Variants in PAM observed in about 807,000 individuals in gnomAD.
PAM encodes peptidylglycine alpha-amidating monooxygenase.
A neutral mutation model predicts 122.1 loss-of-function variants in PAM; 72 were observed. That is an observed-to-expected ratio of 0.59 (90% CI 0.49 to 0.72). The LOEUF (loss-of-function observed/expected upper bound fraction) is 0.72, where lower values mean the gene tolerates loss of function less well. PAM is among the 30% of genes least tolerant of loss of function. The pLI, the probability that PAM is intolerant of heterozygous loss-of-function variation, is 0.00. For synonymous variants in PAM, 389 were observed against 404.4 expected (o/e 0.96, Z 0.46); for missense variants, 1,106 against 1,183.7 (o/e 0.93, Z 0.96).
chr5:102,881,125 T>TACACACACACAC (rs1224315361), intron 3 of PAM, among the ~76,000 whole-genome samples: 3 of 69,058 alleles, frequency 4.3e-5, no homozygotes, highest in African/African-American at 2.9e-4. Flanking sequence ...ATAATTTTTA[T>TACACACACACAC]ACATACACAC....
At chr5:102,770,960 G>A (rs531748322) in intron 1 of PAM, among the ~76,000 whole-genome samples, 53 of 151,958 alleles carry the variant, frequency 3.5e-4, no homozygotes, top group African/African-American at 1.2e-3. Context: ...TAGGTTTTTC[G>A]TTTGTTTGTT....
intron 1 of PAM, among the ~76,000 whole-genome samples, chr5:102,834,894 A>T (rs73189052): frequency 0.014 from 2,196 of 152,188 alleles, 45 homozygotes; most frequent in African/African-American, 0.051. Flanking sequence ...ATGAGTCAGG[A>T]GGCAGTTACA....
At chr5:102,832,094 A>T (rs1775644028) in intron 1 of PAM, among the ~76,000 whole-genome samples, 2 of 152,134 alleles carry the variant, frequency 1.3e-5, no homozygotes, top group Admixed American at 1.3e-4. Flanking sequence ...GAAAATTCAG[A>T]AATGTCCAAA....
Position 102,950,761 on chromosome 5 carries a change from C to T in PAM, c.846C>T (p.Asp282=), listed in dbSNP as rs748966205. The part of the protein sequence containing the change: ...VGHPVDVSFG[D]LLAARCVFTG... ...ATCCAGTTGATGTAAGTTTTGGTGA[C>T]CTACTGGCTGCAAGATGTGTATTCA... The change falls in exon 12 of 26, where the codon GAC becomes GAT. Residue 282 remains aspartate, a synonymous_variant. Coordinates refer to ENST00000438793, the MANE Select transcript of PAM (RefSeq NM_001177306.2). 1 of 1,612,186 alleles carries T rather than the reference C, an allele frequency of 6.2e-7. No homozygotes were observed. Among genetic ancestry groups the T allele is most frequent in the Non-Finnish European group, 8.5e-7 (1 of 1,178,614 alleles).
intron 1 of PAM, among the ~76,000 whole-genome samples, chr5:102,776,865 A>C (rs1335134440): frequency 3.9e-5 from 6 of 151,966 alleles, no homozygotes; most frequent in Non-Finnish European, 8.8e-5. Context: ...TATGTCACAC[A>C]TTTCTTATCA....
chr5:102,899,616 C>G (rs889799555), intron 3 of PAM, among the ~76,000 whole-genome samples: 3 of 151,644 alleles, frequency 2.0e-5, no homozygotes, highest in Non-Finnish European at 3.0e-5. Flanking sequence ...TGGGAATGAT[C>G]TTGAATATAT....
At chr5:102,985,471 T>A (rs1271655659) in intron 15 of PAM, among the ~76,000 whole-genome samples, 1 of 152,020 alleles carries the variant, frequency 6.6e-6, no homozygotes, top group Non-Finnish European at 1.5e-5. Context: ...TTTCAACAAT[T>A]GTATGCTAAT....
chr5:102,866,826 G>A (rs964836947), intron 2 of PAM: 1 of 153,950 alleles, frequency 6.5e-6, no homozygotes, highest in Non-Finnish European at 1.4e-5. Context: ...AGTAATTCTG[G>A]ACACTGAAAA....
intron 4 of PAM, among the ~76,000 whole-genome samples, chr5:102,912,800 A>G (rs1241565884): frequency 1.3e-5 from 2 of 152,000 alleles, no homozygotes; most frequent in Non-Finnish European, 2.9e-5. Context: ...GAAAACTTCA[A>G]GATTTGATTT....
chr5:102,913,444 T>C (rs968284623), intron 4 of PAM, among the ~76,000 whole-genome samples: 1 of 152,042 alleles, frequency 6.6e-6, no homozygotes, highest in Non-Finnish European at 1.5e-5. Context: ...TGCTTCTTCA[T>C]ATACATCCCA....
chr5:102,829,079 T>C (rs1289823893), intron 1 of PAM, among the ~76,000 whole-genome samples: 1 of 152,030 alleles, frequency 6.6e-6, no homozygotes, highest in Non-Finnish European at 1.5e-5. Context: ...TCAAAGAGTT[T>C]AGCACTTGCT....
intron 1 of PAM, among the ~76,000 whole-genome samples, chr5:102,799,280 A>T (rs897096938): frequency 6.6e-6 from 1 of 152,206 alleles, no homozygotes; most frequent in African/African-American, 2.4e-5. Context: ...TGCAACGTGT[A>T]TATTTAGAAA....
At chr5:102,959,830 T>C (rs1373751483) in intron 12 of PAM, 45 bp from the exon 13 acceptor site, 1 of 1,378,998 alleles carries the variant, frequency 7.3e-7, no homozygotes, top group Non-Finnish European at 1.0e-6. Context: ...TAAGCATGTG[T>C]TTTATGTGAA....
intron 1 of PAM, among the ~76,000 whole-genome samples, chr5:102,760,512 G>C (rs79157752): frequency 0.029 from 4,369 of 152,242 alleles, 110 homozygotes; most frequent in East Asian, 0.13. Flanking sequence ...AATTAAAAAT[G>C]GAATACGATT....
Position 102,925,028 on chromosome 5 carries a change from C to A in PAM, c.428C>A (p.Thr143Asn). The A allele has an allele frequency of 6.4e-7, 1 of 1,563,500 alleles. No homozygotes were observed. Among genetic ancestry groups the A allele is most frequent in the Non-Finnish European group, 8.8e-7 (1 of 1,133,692 alleles). Reference sequence around the variant, plus strand: ...GCCTGGGCGAGAAATGCTCCCCCTACCCGGCTCCCCAAAGGTATGTCAGAG... The same window carrying A: ...GCCTGGGCGAGAAATGCTCCCCCTAACCGGCTCCCCAAAGGTATGTCAGAG... The part of the protein sequence containing the change: ...LYAWARNAPP[T>N]RLPKGVGFRV... Residue 143 changes from threonine to asparagine, a missense_variant, in exon 6 of 26, where the codon ACC becomes AAC. Thr to Asn is a moderately conservative substitution (Grantham distance 65). This residue lies in a region of PAM where 670 missense variants were observed against 690.3 expected (regional missense o/e 0.97). Transcript: ENST00000438793.
chr5:102,998,201 T>C (rs2150935041), intron 16 of PAM, among the ~76,000 whole-genome samples: 1 of 152,306 alleles, frequency 6.6e-6, no homozygotes, highest in Middle Eastern at 3.4e-3. Context: ...TAAAATAATA[T>C]GACCAGAGAT....
At chr5:102,792,307 T>C (rs1762242567) in intron 1 of PAM, among the ~76,000 whole-genome samples, 1 of 152,144 alleles carries the variant, frequency 6.6e-6, no homozygotes, top group African/African-American at 2.4e-5. Context: ...GTAAATGAAA[T>C]CTTTATTGTC....
chr5:102,958,480 A>G (rs949954513), intron 12 of PAM, among the ~76,000 whole-genome samples: 1 of 152,130 alleles, frequency 6.6e-6, no homozygotes, highest in Admixed American at 6.5e-5. Flanking sequence ...GCACATACTG[A>G]CCAACTCCAA....
chr5:102,816,310 C>T lies in PAM; in HGVS notation c.-373-49513C>T, dbSNP rs79952701. 8.6e-3 allele frequency among the ~76,000 whole-genome samples: 1,311 copies of T among 152,208 alleles called. 9 individuals are homozygous for T. The highest frequency in any genetic ancestry group is 0.013 in the Non-Finnish European group (881 of 68,022). On this transcript the variant is annotated intron_variant, in intron 1 of 25. Transcript: ENST00000438793. ...TTTGCCACAAAAGCAGCATTGGGCT[C>T]AGAGAATTAAGGCATTCTCTGCCTC...
Sources: gnomAD v4.1 joint callset for allele counts (sites outside exome capture counted in the v4.1 genomes callset) on GRCh38, gnomAD v4.1.1 for gene constraint, gnomAD v4.1.1 regional missense constraint, MANE v1.5 for transcripts, NCBI Gene and HGNC (gene_info 2026-07-23, HGNC 2026-07-21) for gene names.